Variants in STPG2 observed in about 807,000 individuals in gnomAD.
The protein encoded by STPG2 is sperm-tail PG-rich repeat-containing protein 2.
A neutral mutation model predicts 54.2 loss-of-function variants in STPG2; 56 were observed. The ratio of observed to expected loss-of-function variants is 1.03; its 90% CI spans 0.83 to 1.29. The LOEUF is 1.29. STPG2 is among the 50% of genes most tolerant of loss of function. The pLI is 0.00. For synonymous variants in STPG2, 200 were observed against 181.8 expected, an observed-to-expected ratio of 1.10 and a Z score of -0.81; for missense variants, 596 against 544.9, an observed-to-expected ratio of 1.09 and a Z score of -0.93.
At chr4:97,862,583 G>A (rs1363358352) in intron 8 of STPG2, among the ~76,000 whole-genome samples, 1 of 152,044 alleles carries the variant, frequency 6.6e-6, no homozygotes, top group South Asian at 2.1e-4. Flanking sequence ...ATTCAGCTCT[G>A]CACCAAGCAG....
At chr4:97,548,959 T>A (rs1397931373) in intron 4 of STPG2, among the ~76,000 whole-genome samples, 2 of 31,854 alleles carry the variant, frequency 6.3e-5, no homozygotes, top group Non-Finnish European at 1.1e-4. Flanking sequence ...GAAAACTCAT[T>A]TTTATTGTGA....
chr4:98,105,143 C>T (rs1004104566), intron 5 of STPG2, among the ~76,000 whole-genome samples: 5 of 152,164 alleles, frequency 3.3e-5, no homozygotes, highest in African/African-American at 1.2e-4. Flanking sequence ...GTGTCATTTC[C>T]CTGTTTTTGT....
rs183220805 is a variant in STPG2, at chr4:97,700,824, C to T, written c.1320+11875G>A. 7.3e-4 allele frequency among the ~76,000 whole-genome samples: 111 copies of T among 152,258 alleles called. 1 individual carries two copies. The highest frequency in any genetic ancestry group is 1.2e-3 in the Admixed American group (19 of 15,272). On this transcript the variant is annotated intron_variant, in intron 10 of 10. Transcript: ENST00000295268. ...TTCTGATGGGCCTTATGGACAGGGC[C>T]TTATGCAGCTCCTGAGTCAATGGCT...
rs1335221328 is a variant in STPG2, at chr4:97,473,558, G to C, written c.462+239141C>G. On this transcript the variant is annotated intron_variant, in intron 4 of 4. Transcript: ENST00000522676. ...ATGTTATCAATGACAATGCGTGCCC[G>C]AAACTTCATTAACAATTTTAATTTT... Among the ~76,000 whole-genome samples the C allele has an allele frequency of 2.0e-5, 3 of 152,228 alleles. 1 individual carries two copies. Among genetic ancestry groups the C allele is most frequent in the Middle Eastern group, 6.8e-3 (2 of 294 alleles).
chr4:98,061,610 A>G (rs1055889983), intron 5 of STPG2, among the ~76,000 whole-genome samples: 4 of 126,210 alleles, frequency 3.2e-5, no homozygotes, highest in African/African-American at 1.2e-4. Context: ...TTACAAGAAA[A>G]AAAAAATTTT....
intron 9 of STPG2, among the ~76,000 whole-genome samples, chr4:97,766,523 T>G (rs892986815): frequency 6.6e-6 from 1 of 152,094 alleles, no homozygotes; most frequent in Non-Finnish European, 1.5e-5. Flanking sequence ...TACTTATCTA[T>G]CTACAGTCTA....
chr4:97,582,245 T>A (rs561908539), intron 10 of STPG2, among the ~76,000 whole-genome samples: 10 of 152,162 alleles, frequency 6.6e-5, no homozygotes, highest in African/African-American at 1.9e-4. Context: ...CTATATAATG[T>A]GCATACACCT....
chr4:98,052,955 G>C (rs555440304), intron 5 of STPG2, among the ~76,000 whole-genome samples: 1 of 152,132 alleles, frequency 6.6e-6, no homozygotes, highest in Admixed American at 6.5e-5. Context: ...CACTGAGGAA[G>C]GGAAAATACA....
chr4:98,049,845 C>G (rs1737259830), intron 5 of STPG2, among the ~76,000 whole-genome samples: 1 of 152,074 alleles, frequency 6.6e-6, no homozygotes. Context: ...TTTTAGTACA[C>G]AATACCATCT....
chr4:97,925,500 T>C (rs1280441212), intron 8 of STPG2, among the ~76,000 whole-genome samples: 2 of 152,232 alleles, frequency 1.3e-5, no homozygotes, highest in African/African-American at 4.8e-5. Flanking sequence ...CCTTTACTTG[T>C]ACTGATGGCC....
chr4:97,964,301 T>C (rs1406170258), intron 7 of STPG2, among the ~76,000 whole-genome samples: 5 of 152,126 alleles, frequency 3.3e-5, no homozygotes, highest in Admixed American at 2.6e-4. Flanking sequence ...TCTGGGAACG[T>C]GGATCTTTTA....
chr4:97,990,279 C>T (rs1734962065), intron 5 of STPG2, among the ~76,000 whole-genome samples: 1 of 152,020 alleles, frequency 6.6e-6, no homozygotes, highest in South Asian at 2.1e-4. Flanking sequence ...AAATGAGGTC[C>T]TTGCTTCTAA....
intron 9 of STPG2, among the ~76,000 whole-genome samples, chr4:97,756,306 G>C (rs923159980): frequency 6.6e-6 from 1 of 151,884 alleles, no homozygotes; most frequent in Non-Finnish European, 1.5e-5. Context: ...CTGTAGTTTT[G>C]TTTTGTTTTT....
intron 4 of STPG2, among the ~76,000 whole-genome samples, chr4:97,526,141 A>T (rs1158308466): frequency 6.6e-6 from 1 of 152,112 alleles, no homozygotes; most frequent in Non-Finnish European, 1.5e-5. Flanking sequence ...GTAGATTATT[A>T]ATTTGCAGGG....
intron 10 of STPG2, among the ~76,000 whole-genome samples, chr4:97,613,327 G>A (rs1459541289): frequency 2.6e-5 from 4 of 152,022 alleles, no homozygotes; most frequent in Non-Finnish European, 5.9e-5. Flanking sequence ...GTGTGATTGC[G>A]TGATTGTGTG....
chr4:97,622,691 A>G (rs889099538), intron 10 of STPG2, among the ~76,000 whole-genome samples: 1 of 152,144 alleles, frequency 6.6e-6, no homozygotes, highest in African/African-American at 2.4e-5. Flanking sequence ...CATACCACCC[A>G]AAGGAATTTA....
intron 8 of STPG2, among the ~76,000 whole-genome samples, chr4:97,882,722 G>C (rs190810365): frequency 2.0e-5 from 3 of 151,974 alleles, no homozygotes; most frequent in Admixed American, 6.6e-5. Context: ...GAAAAAACAT[G>C]AAACTAGCAA....
At chr4:97,468,672 T>C (rs574821488) in intron 4 of STPG2, among the ~76,000 whole-genome samples, 1 of 152,104 alleles carries the variant, frequency 6.6e-6, no homozygotes, top group South Asian at 2.1e-4. Flanking sequence ...ATCCCTAGAC[T>C]ATTAAATTTT....
At chr4:97,883,998 T>C (rs1730471514) in intron 8 of STPG2, among the ~76,000 whole-genome samples, 1 of 151,768 alleles carries the variant, frequency 6.6e-6, no homozygotes, top group South Asian at 2.1e-4. Context: ...GGGAAGAAGT[T>C]TTTGCGGGGG....
Sources: allele counts gnomAD v4.1 joint callset (sites outside exome capture counted in the v4.1 genomes callset), GRCh38; gene constraint gnomAD v4.1.1; transcripts MANE v1.5; gene names NCBI Gene and HGNC (gene_info 2026-07-23, HGNC 2026-07-21).